KDM6A: variants seen among roughly 807,000 people sequenced by gnomAD.
KDM6A encodes lysine-specific demethylase 6A.
A neutral mutation model predicts 117.6 loss-of-function variants in KDM6A; 11 were observed. The observed-to-expected ratio is 0.09, with a 90% CI of 0.06 to 0.15. KDM6A has a LOEUF of 0.15. KDM6A is among the 10% of genes least tolerant of loss of function. The probability of loss-of-function intolerance (pLI) is 1.00; values close to 1 mark genes in which losing one functional copy is unlikely to be tolerated. For missense variants in KDM6A, 799 were observed against 1,077.3 expected (o/e 0.74, Z 3.62); for synonymous variants, 384 against 396.1 (o/e 0.97, Z 0.36).
At chrX:45,066,774 C>T (rs947172056) in intron 17 of KDM6A, among the ~76,000 whole-genome samples, 1 of 111,776 alleles carries the variant, frequency 8.9e-6, no homozygotes, top group Non-Finnish European at 1.9e-5. Flanking sequence ...TCTTTAAAAA[C>T]GTAATTCGTA....
intron 4 of KDM6A, among the ~76,000 whole-genome samples, chrX:45,004,172 CT>C (rs766259867): frequency 1.3e-3 from 140 of 110,501 alleles, no homozygotes; most frequent in African/African-American, 4.6e-3. Context: ...GTCCTTCCTC[CT>C]TAGTTCTGGG....
intron 2 of KDM6A, among the ~76,000 whole-genome samples, chrX:44,944,992 G>A (rs1426081279): frequency 9.0e-6 from 1 of 111,589 alleles, no homozygotes; most frequent in Non-Finnish European, 1.9e-5. Context: ...TTCTTAGACT[G>A]TAGGTCTTCT....
At chrX:45,048,129 C>T (rs909599878) in intron 8 of KDM6A, among the ~76,000 whole-genome samples, 4 of 92,958 alleles carry the variant, frequency 4.3e-5, no homozygotes, top group South Asian at 5.6e-4. Context: ...CACTGCACTC[C>T]AGCCTGGGCG....
intron 2 of KDM6A, among the ~76,000 whole-genome samples, chrX:44,947,968 C>T (rs1381620590): frequency 1.8e-5 from 2 of 111,278 alleles, no homozygotes; most frequent in Admixed American, 1.9e-4. Context: ...TTCTGTCTGT[C>T]TCCACTTCTC....
chrX:44,965,337 T>C (rs1283969882), intron 3 of KDM6A, among the ~76,000 whole-genome samples: 5 of 112,135 alleles, frequency 4.5e-5, no homozygotes, highest in Non-Finnish European at 9.4e-5. Context: ...AATGTTTCCT[T>C]TGCATTCGTA....
intron 18 of KDM6A, among the ~76,000 whole-genome samples, chrX:45,072,480 A>G (rs192419431): frequency 1.0e-4 from 11 of 110,322 alleles, no homozygotes; most frequent in African/African-American, 3.6e-4. Context: ...CTCTGGGCCT[A>G]CAGAAAATAG....
intron 2 of KDM6A, among the ~76,000 whole-genome samples, chrX:44,927,204 C>A (rs756865894): frequency 9.1e-6 from 1 of 110,471 alleles, no homozygotes; most frequent in African/African-American, 3.3e-5. Context: ...AGTTTAGAGT[C>A]AAAAAAATCC....
chrX:45,022,863 G>C (rs1488892563), intron 6 of KDM6A, among the ~76,000 whole-genome samples: 1 of 111,869 alleles, frequency 8.9e-6, no homozygotes, highest in Admixed American at 9.5e-5. Flanking sequence ...GGTTGATTCA[G>C]CTGATCTAAG....
chrX:45,100,585 G>C (rs187271659), intron 27 of KDM6A, among the ~76,000 whole-genome samples: 1 of 111,441 alleles, frequency 9.0e-6, no homozygotes, highest in East Asian at 2.8e-4. Context: ...ATATCAAATA[G>C]TATGCTGAGG....
intron 4 of KDM6A, among the ~76,000 whole-genome samples, chrX:44,998,799 A>C (rs1258496206): frequency 8.9e-6 from 1 of 111,784 alleles, no homozygotes; most frequent in African/African-American, 3.3e-5. Context: ...TTCAAAGATG[A>C]TTACTGGGGT....
chrX:45,003,394 C>CT (rs397896934), intron 4 of KDM6A, among the ~76,000 whole-genome samples: 20,166 of 75,417 alleles, frequency 0.27, 2,964 homozygotes, highest in East Asian at 0.62. Context: ...AATTATCCTT[C>CT]TTTTTTTTTT....
intron 2 of KDM6A, among the ~76,000 whole-genome samples, chrX:44,902,105 T>G (rs1012859269): frequency 9.0e-6 from 1 of 110,729 alleles, no homozygotes; most frequent in African/African-American, 3.3e-5. Context: ...CGCACGCCTG[T>G]AGTCCCAGCT....
rs774964047 is a variant in KDM6A, at chrX:44,988,818, T to C, written c.384+14103T>C. ...GTCATGTGAGGTGTCAGTCTGCCCC[T>C]ACTGGGTGGTGCCTCCCAGTTAGGC... is the stretch of plus-strand genomic sequence containing the variant. On this transcript the variant is annotated intron_variant, in intron 4 of 29. Coordinates refer to ENST00000611820, the MANE Select transcript of KDM6A (RefSeq NM_001291415.2). Among the ~76,000 whole-genome samples, 128 of 110,964 alleles carry C rather than the reference T, an allele frequency of 1.2e-3. 1 individual carries two copies. Among genetic ancestry groups the C allele is most frequent in the Middle Eastern group, 9.3e-3 (2 of 215 alleles).
chrX:44,969,807 G>A (rs2039248375), intron 3 of KDM6A, among the ~76,000 whole-genome samples: 1 of 111,929 alleles, frequency 8.9e-6, no homozygotes, highest in South Asian at 3.7e-4. Context: ...TCCAATCATA[G>A]ATTTTGTTTG....
At chrX:44,993,616 T>C (rs1395324654) in intron 4 of KDM6A, among the ~76,000 whole-genome samples, 5 of 111,498 alleles carry the variant, frequency 4.5e-5, no homozygotes, top group African/African-American at 1.3e-4. Flanking sequence ...TATAGCTCTT[T>C]TAATGTCTTT....
intron 2 of KDM6A, among the ~76,000 whole-genome samples, chrX:44,894,951 T>G (rs12007792): frequency 0.22 from 23,846 of 109,004 alleles, 4,338 homozygotes; most frequent in African/African-American, 0.61. Context: ...ATTTTTAGTT[T>G]AGACGGGGTT....
intron 4 of KDM6A, among the ~76,000 whole-genome samples, chrX:44,991,789 C>T (rs1007213360): frequency 1.8e-5 from 2 of 111,066 alleles, no homozygotes; most frequent in Non-Finnish European, 3.8e-5. Flanking sequence ...TGGGTTCAAG[C>T]GATTCTCCTG....
intron 4 of KDM6A, among the ~76,000 whole-genome samples, chrX:45,005,045 T>G (rs1671203796): frequency 9.0e-6 from 1 of 110,942 alleles, no homozygotes; most frequent in Admixed American, 9.6e-5. Context: ...TTATGGTACC[T>G]CTTTCAAAGG....
At chrX:45,100,626 CATTT>C (rs1335680060) in intron 27 of KDM6A, among the ~76,000 whole-genome samples, 3 of 110,922 alleles carry the variant, frequency 2.7e-5, no homozygotes, top group African/African-American at 6.6e-5. Context: ...GATACACATT[CATTT>C]GTCTTACGCC....
Sources: allele counts gnomAD v4.1 joint callset (sites outside exome capture counted in the v4.1 genomes callset), GRCh38; gene constraint gnomAD v4.1.1; transcripts MANE v1.5; gene names NCBI Gene and HGNC (gene_info 2026-07-23, HGNC 2026-07-21).